Variants in ZFHX3 observed in about 807,000 individuals in gnomAD.
ZFHX3 encodes zinc finger homeobox 3.
In ZFHX3, 42 loss-of-function variants were observed where a neutral mutation model predicts 279.1. The observed-to-expected ratio is 0.15, with a 90% CI of 0.12 to 0.19. ZFHX3 has a LOEUF of 0.19. Among genes scored for constraint, ZFHX3 ranks in the 10% least tolerant of loss-of-function variants. The pLI, the probability that ZFHX3 is intolerant of heterozygous loss-of-function variation, is 1.00. For synonymous variants in ZFHX3, 2,293 were observed against 1,957.8 expected, an observed-to-expected ratio of 1.17 and a Z score of -4.52; for missense variants, 4,981 against 4,754.0, an observed-to-expected ratio of 1.05 and a Z score of -1.40.
intron 2 of ZFHX3, among the ~76,000 whole-genome samples, chr16:73,497,065 C>T (rs76758916): frequency 0.011 from 1,630 of 152,296 alleles, 23 homozygotes; most frequent in African/African-American, 0.038. Context: ...CCCCGCCACA[C>T]CACACCATGC....
At chr16:73,487,914 T>G (rs1036404089) in intron 2 of ZFHX3, among the ~76,000 whole-genome samples, 2 of 152,114 alleles carry the variant, frequency 1.3e-5, no homozygotes, top group Admixed American at 1.3e-4. Flanking sequence ...AGAACCTACA[T>G]GGAAAGAGAG....
intron 2 of ZFHX3, among the ~76,000 whole-genome samples, chr16:73,593,233 G>A (rs2052016781): frequency 6.6e-6 from 1 of 151,954 alleles, no homozygotes; most frequent in African/African-American, 2.4e-5. Context: ...AAACTATTCT[G>A]AAGAACAGAA....
chr16:73,034,085 A>T (rs1017886018), intron 1 of ZFHX3, among the ~76,000 whole-genome samples: 1 of 150,876 alleles, frequency 6.6e-6, no homozygotes, highest in African/African-American at 2.4e-5. Context: ...TGAACAAGAA[A>T]AACTGTAACG....
intron 1 of ZFHX3, among the ~76,000 whole-genome samples, chr16:73,845,112 T>C (rs1371919344): frequency 6.6e-6 from 1 of 152,146 alleles, no homozygotes; most frequent in Non-Finnish European, 1.5e-5. Flanking sequence ...GGAGATTTCC[T>C]GAAGGAAGTG....
In ZFHX3 at chr16:73,874,180, T is replaced by C. The variant is rs187052312; in HGVS notation, c.-1608+17471A>G. ...GTGTAGGTGTACCCAGTATCAAGTG[T>C]GTGGGGAGTTCACATAAGATATATT... On this transcript the variant is annotated intron_variant, in intron 1 of 17. Transcript: ENST00000641206. Among the ~76,000 whole-genome samples the C allele has an allele frequency of 7.2e-5, 11 of 152,240 alleles. No homozygotes were observed. The East Asian group carries it at 2.1e-3, about 29-fold the overall frequency.
At chr16:73,265,109 G>GTGTGTGTA (rs1053383715) in intron 4 of ZFHX3, among the ~76,000 whole-genome samples, 7 of 145,232 alleles carry the variant, frequency 4.8e-5, no homozygotes, top group Non-Finnish European at 7.7e-5. Context: ...GTGTGTGTGT[G>GTGTGTGTA]TATATAACAG....
At chr16:72,982,174 C>T (rs1441593834) in intron 1 of ZFHX3, among the ~76,000 whole-genome samples, 5 of 152,000 alleles carry the variant, frequency 3.3e-5, no homozygotes, top group Admixed American at 1.3e-4. Flanking sequence ...TGAGCCACAG[C>T]GCCCAGCCTT....
chr16:73,807,620 A>ATTTTTTTTTTTTTTTTTTT (rs55806545), intron 1 of ZFHX3, among the ~76,000 whole-genome samples: 2 of 70,548 alleles, frequency 2.8e-5, no homozygotes, highest in African/African-American at 1.1e-4. Flanking sequence ...CCATGCCCCA[A>ATTTTTTTTTTTTTTTTTTT]TTTTTTTTTT....
rs147532701 is a variant in ZFHX3, at chr16:73,006,538, T to C, written c.-50+41214A>G. Among the ~76,000 whole-genome samples, 28 of 151,932 alleles carry C rather than the reference T, an allele frequency of 1.8e-4. No individual in the cohort carries two copies. The East Asian group carries it at 5.0e-3, about 27-fold the overall frequency. ...CTCAAGGTGATGCAGGAAGACTGCTTGAGCTGGAGGTCAAGGCTATAATGA... is the reference window on the plus strand; with the variant it reads ...CTCAAGGTGATGCAGGAAGACTGCTCGAGCTGGAGGTCAAGGCTATAATGA... On this transcript the variant is annotated intron_variant, in intron 1 of 9. Transcript: ENST00000268489.
chr16:73,370,511 A>T (rs570306110), intron 3 of ZFHX3, among the ~76,000 whole-genome samples: 1 of 152,204 alleles, frequency 6.6e-6, no homozygotes, highest in African/African-American at 2.4e-5. Flanking sequence ...AAACACAAAT[A>T]GGAAGCTCAG....
intron 4 of ZFHX3, among the ~76,000 whole-genome samples, chr16:73,260,813 G>T (rs958865951): frequency 5.3e-5 from 8 of 151,476 alleles, no homozygotes; most frequent in Admixed American, 1.3e-4. Flanking sequence ...CTCCCGAGTG[G>T]CTGGGATTAC....
At chr16:73,082,954 T>TG (rs2144767717) in intron 8 of ZFHX3, among the ~76,000 whole-genome samples, 1 of 147,384 alleles carries the variant, frequency 6.8e-6, no homozygotes, top group Non-Finnish European at 1.5e-5. Context: ...GAGGCCGAGG[T>TG]GGACGGATTA....
intron 1 of ZFHX3, among the ~76,000 whole-genome samples, chr16:73,700,377 A>G (rs1336707521): frequency 6.6e-6 from 1 of 152,250 alleles, no homozygotes; most frequent in African/African-American, 2.4e-5. Flanking sequence ...ACAAACCTTA[A>G]TAGGGCTTTG....
At position 73,508,634 on chromosome 16, in the gene ZFHX3, T is replaced by C. The variant is rs1486613203; in HGVS notation, c.-1546-52376A>G. Among the ~76,000 whole-genome samples, 4 of 152,348 alleles carry C rather than the reference T, an allele frequency of 2.6e-5. No individual in the cohort carries two copies. In the East Asian group the frequency reaches 5.8e-4, roughly 22 times the overall value. ...TTGGACAACTCTGAATCATACTCAA[T>C]TGATTCTCCATCATCCAACAAGCCA... is the stretch of plus-strand genomic sequence containing the variant. On this transcript the variant is annotated intron_variant, in intron 2 of 17. Transcript: ENST00000641206.
At chr16:73,644,749 T>C (rs918612646) in intron 2 of ZFHX3, among the ~76,000 whole-genome samples, 8 of 152,130 alleles carry the variant, frequency 5.3e-5, no homozygotes, top group Non-Finnish European at 1.2e-4. Context: ...CTGCACGCAT[T>C]ACCCTCTACA....
intron 1 of ZFHX3, among the ~76,000 whole-genome samples, chr16:72,960,652 CAG>C (rs761158930): frequency 3.9e-5 from 6 of 152,094 alleles, no homozygotes; most frequent in African/African-American, 1.4e-4. Context: ...CAGGGGAACA[CAG>C]GGGAGGGCTG....
chr16:73,778,842 C>T (rs770821001), intron 1 of ZFHX3, among the ~76,000 whole-genome samples: 3 of 152,034 alleles, frequency 2.0e-5, no homozygotes, highest in East Asian at 3.8e-4. Flanking sequence ...GTGCCTGAGC[C>T]GAAGAAAAGT....
intron 2 of ZFHX3, among the ~76,000 whole-genome samples, chr16:73,513,141 G>A (rs2019461646): frequency 6.6e-6 from 1 of 152,184 alleles, no homozygotes; most frequent in Admixed American, 6.5e-5. Context: ...GCACATAGAT[G>A]AAAAGCATGT....
chr16:73,082,664 G>T (rs997216467), intron 8 of ZFHX3, among the ~76,000 whole-genome samples: 5 of 152,068 alleles, frequency 3.3e-5, no homozygotes, highest in African/African-American at 1.2e-4. Flanking sequence ...GGAAGACTAA[G>T]CTCCCTAGGC....
Sources: allele counts gnomAD v4.1 joint callset (sites outside exome capture counted in the v4.1 genomes callset), GRCh38; gene constraint gnomAD v4.1.1; transcripts MANE v1.5; gene names NCBI Gene and HGNC (gene_info 2026-07-23, HGNC 2026-07-21).